ZBTB44: variants seen among roughly 807,000 people sequenced by gnomAD.
ZBTB44 encodes zinc finger and BTB domain containing 44.
In ZBTB44, 15 loss-of-function variants were observed where a neutral mutation model predicts 54.0. The observed-to-expected ratio is 0.28, with a 90% confidence interval of 0.19 to 0.43. The LOEUF (loss-of-function observed/expected upper bound fraction) is 0.43. Among genes scored for constraint, ZBTB44 ranks in the 20% least tolerant of loss-of-function variants. The pLI, the probability that ZBTB44 is intolerant of heterozygous loss-of-function variation, is 1.00. For synonymous variants in ZBTB44, 230 were observed against 250.1 expected (o/e 0.92, Z 0.76); for missense variants, 487 against 707.1 (o/e 0.69, Z 3.53).
At chr11:130,255,914 A>C (rs1420454963) in intron 2 of ZBTB44, among the ~76,000 whole-genome samples, 3 of 150,756 alleles carry the variant, frequency 2.0e-5, no homozygotes, top group African/African-American at 7.4e-5. Context: ...AAAAAAAAAA[A>C]AAAAAAACAC....
chr11:130,303,197 A>G lies in ZBTB44; in HGVS notation c.-57+11178T>C, dbSNP rs73587085. The stretch of plus-strand genomic sequence containing the variant: ...AAAAGGAATCATCTAAAGTTGTTTC[A>G]GAAGCTAGAGGGTAGTAGTTCCACA... On this transcript the variant is annotated intron_variant, in intron 1 of 7. Coordinates refer to ENST00000357899, the MANE Select transcript of ZBTB44 (RefSeq NM_001301098.2). Among the ~76,000 whole-genome samples the G allele has an allele frequency of 5.6e-3, 847 of 152,360 alleles. 7 individuals are homozygous for G. The highest frequency in any genetic ancestry group is 0.019 in the African/African-American group (795 of 41,588).
intron 1 of ZBTB44, among the ~76,000 whole-genome samples, chr11:130,271,768 A>C (rs1030712953): frequency 2.6e-5 from 4 of 152,218 alleles, no homozygotes; most frequent in African/African-American, 4.8e-5. Flanking sequence ...ATTATGAATA[A>C]TGCTGCTATA....
intron 1 of ZBTB44, among the ~76,000 whole-genome samples, chr11:130,313,932 G>T (rs1489538034): frequency 1.3e-4 from 12 of 95,360 alleles, no homozygotes; most frequent in African/African-American, 4.7e-4. Flanking sequence ...GTATGTGTGT[G>T]TGTGTTTGTG....
intron 1 of ZBTB44, among the ~76,000 whole-genome samples, chr11:130,300,032 T>C (rs544586269): frequency 6.6e-6 from 1 of 152,254 alleles, no homozygotes; most frequent in East Asian, 1.9e-4. Flanking sequence ...CTTGAAGACA[T>C]TATGCGAGTG....
rs1592050617 is a variant in ZBTB44 at position 130,293,039 on chromosome 11, T to C, written c.-57+21336A>G. Among the ~76,000 whole-genome samples the C allele has an allele frequency of 3.3e-5, 5 of 152,308 alleles. No homozygotes were observed. In the South Asian group the frequency reaches 1.0e-3, roughly 32 times the overall value. Reference sequence around the variant, plus strand: ...ACATGAGAACTCATATTTGGGAACATGCTTTTTCTTTTTCTGAACACTACT... The same window carrying C: ...ACATGAGAACTCATATTTGGGAACACGCTTTTTCTTTTTCTGAACACTACT... On this transcript the variant is annotated intron_variant, in intron 1 of 7. Coordinates refer to ENST00000357899, the MANE Select transcript of ZBTB44 (RefSeq NM_001301098.2).
In ZBTB44 at chr11:130,233,202, C is replaced by T. The variant is rs1953949550; in HGVS notation, c.*48+106G>A. ...TTGATGGGGCAGGGGGAAAACTGAT[C>T]CGGGCAATGACACAGTCAGGCATTA... On this transcript the variant is annotated intron_variant, in intron 7 of 7. Transcript: ENST00000357899. The T allele has an allele frequency of 1.4e-5, 20 of 1,440,922 alleles. No individual in the cohort carries two copies. The South Asian group carries it at 2.6e-4, about 19-fold the overall frequency. 89.3% of individuals were successfully genotyped at this position (1,440,922 alleles called of 1,614,324 possible).
chr11:130,258,659 G>A (rs998011806), intron 2 of ZBTB44, among the ~76,000 whole-genome samples: 5 of 152,120 alleles, frequency 3.3e-5, no homozygotes, highest in African/African-American at 1.2e-4. Flanking sequence ...AGATTCCCTT[G>A]CAGCTAGGAA....
chr11:130,300,273 G>A (rs967970409), intron 1 of ZBTB44, among the ~76,000 whole-genome samples: 3 of 152,102 alleles, frequency 2.0e-5, no homozygotes. Flanking sequence ...TGTACTTAAT[G>A]CCACTGAACT....
chr11:130,243,813 G>A (rs1954501621), intron 2 of ZBTB44, among the ~76,000 whole-genome samples: 1 of 152,128 alleles, frequency 6.6e-6, no homozygotes, highest in South Asian at 2.1e-4. Context: ...TCAGAGTTGT[G>A]TTGCTCCATA....
chr11:130,292,611 T>C (rs1941372190), intron 1 of ZBTB44, among the ~76,000 whole-genome samples: 1 of 152,246 alleles, frequency 6.6e-6, no homozygotes. Flanking sequence ...AAGCGTATTA[T>C]TCTTTTATGT....
At chr11:130,256,913 G>A (rs1420893253) in intron 2 of ZBTB44, among the ~76,000 whole-genome samples, 1 of 152,098 alleles carries the variant, frequency 6.6e-6, no homozygotes, top group Admixed American at 6.6e-5. Flanking sequence ...TCAGGCAAGA[G>A]AAAGAAAGAG....
At chr11:130,277,150 G>C (rs949721799) in intron 1 of ZBTB44, among the ~76,000 whole-genome samples, 1 of 152,096 alleles carries the variant, frequency 6.6e-6, no homozygotes, top group African/African-American at 2.4e-5. Context: ...TGTATAGTTA[G>C]ATTCAAACGT....
At chr11:130,273,137 T>C (rs1939797579) in intron 1 of ZBTB44, among the ~76,000 whole-genome samples, 2 of 152,152 alleles carry the variant, frequency 1.3e-5, no homozygotes, top group African/African-American at 4.8e-5. Flanking sequence ...GTTTGGAGAA[T>C]ACTGCTATCT....
At chr11:130,266,974 A>C (rs1167863193) in intron 1 of ZBTB44, among the ~76,000 whole-genome samples, 3 of 152,272 alleles carry the variant, frequency 2.0e-5, no homozygotes, top group Non-Finnish European at 2.9e-5. Flanking sequence ...TTTAATTAAA[A>C]ATTTTTTTTA....
At position 130,236,809 on chromosome 11, in the gene ZBTB44, T is replaced by C. The variant is rs767460068; in HGVS notation, c.1552A>G (p.Asn518Asp). 2.2e-6 allele frequency: 3 copies of C among 1,336,216 alleles called. No individual in the cohort carries two copies. The highest frequency in any genetic ancestry group is 2.9e-6 in the Non-Finnish European group (3 of 1,043,610). 82.8% of individuals were successfully genotyped at this position (1,336,216 alleles called of 1,614,324 possible). The part of the protein sequence containing the change: ...SLNHEASELA[N>D]YFQSSDFLVP... ...GCACCTCACCTGCTCTGGAAGTAGT[T>C]TGCTAGCTCTGATGCTTCATGGTTC... Residue 518 changes from asparagine (N) to aspartate (D), a missense_variant, in exon 5 of 8, where the codon AAC (asparagine) becomes GAC (aspartate). Coordinates refer to ENST00000357899, the MANE Select transcript of ZBTB44 (RefSeq NM_001301098.2).
At chr11:130,255,451 G>A (rs1297158827) in intron 2 of ZBTB44, among the ~76,000 whole-genome samples, 2 of 152,024 alleles carry the variant, frequency 1.3e-5, no homozygotes, top group East Asian at 3.9e-4. Flanking sequence ...ATCAGAAAGT[G>A]GGAAAGATGT....
intron 1 of ZBTB44, among the ~76,000 whole-genome samples, chr11:130,284,203 T>C (rs1940760684): frequency 6.6e-6 from 1 of 152,236 alleles, no homozygotes; most frequent in Non-Finnish European, 1.5e-5. Flanking sequence ...ATGCAATTTA[T>C]AGAATTATAC....
intron 1 of ZBTB44, among the ~76,000 whole-genome samples, chr11:130,272,723 G>T: frequency 6.6e-6 from 1 of 150,550 alleles, no homozygotes. Flanking sequence ...AAAGTTTCAG[G>T]CCTTTAACCT....
chr11:130,266,179 C>T lies in ZBTB44; in HGVS notation c.-56-4250G>A, dbSNP rs76709401. ...ATTCTGAAAATCCTAGACCCCTTAA[C>T]GATTAGGCTCAATCTATTCTGCCTG... On this transcript the variant is annotated intron_variant, in intron 1 of 7. Coordinates refer to ENST00000357899, the MANE Select transcript of ZBTB44 (RefSeq NM_001301098.2). 4.2e-3 allele frequency among the ~76,000 whole-genome samples: 642 copies of T among 152,320 alleles called. 2 individuals carry two copies. The highest frequency in any genetic ancestry group is 0.017 in the South Asian group (80 of 4,830).
Sources: gnomAD v4.1 joint callset for allele counts (sites outside exome capture counted in the v4.1 genomes callset) on GRCh38, gnomAD v4.1.1 for gene constraint, MANE v1.5 for transcripts, NCBI Gene and HGNC (gene_info 2026-07-23, HGNC 2026-07-21) for gene names.